The following GPATCH2L variants were observed in gnomAD, a reference collection of about 807,000 sequenced individuals.
GPATCH2L encodes G-patch domain containing 2 like, also known as G patch domain-containing protein 2-like.
A neutral mutation model predicts 57.4 loss-of-function variants in GPATCH2L; 31 were observed. That is an observed-to-expected ratio of 0.54 (90% CI 0.41 to 0.73). The LOEUF (loss-of-function observed/expected upper bound fraction) is 0.73. GPATCH2L is among the 30% of genes least tolerant of loss of function. The pLI, the probability that GPATCH2L is intolerant of heterozygous loss-of-function variation, is 0.00. For missense variants in GPATCH2L, 481 were observed against 599.9 expected (o/e 0.80, Z 2.07); for synonymous variants, 199 against 210.7 (o/e 0.94, Z 0.48).
At chr14:76,167,871 T>G (rs1449399820) in intron 3 of GPATCH2L, among the ~76,000 whole-genome samples, 1 of 152,234 alleles carries the variant, frequency 6.6e-6, no homozygotes, top group East Asian at 1.9e-4. Flanking sequence ...GCTCTTTTTC[T>G]TTGCTTTTCT....
At chr14:76,184,022 T>TGGGGGG (rs113637385) in intron 8 of GPATCH2L, among the ~76,000 whole-genome samples, 10 of 44,024 alleles carry the variant, frequency 2.3e-4, no homozygotes, top group Non-Finnish European at 4.2e-4. Context: ...ATCATTAGCA[T>TGGGGGG]GGTGTGTGTG....
chr14:76,226,304 C>T (rs1595014398), intron 1 of GPATCH2L, among the ~76,000 whole-genome samples: 2 of 152,168 alleles, frequency 1.3e-5, no homozygotes, highest in East Asian at 1.9e-4. Flanking sequence ...TGCAGCAACA[C>T]GTATGAATCT....
At position 76,212,522 on chromosome 14, in the gene GPATCH2L, G is replaced by A. The variant is rs1290838932; in HGVS notation, c.*10671G>A. The A allele has an allele frequency of 6.6e-6, 1 of 152,124 alleles. No individual in the cohort carries two copies. Among genetic ancestry groups the A allele is most frequent in the Non-Finnish European group, 1.5e-5 (1 of 68,014 alleles). The allele number at this position is 152,124 out of a possible 1,614,324, so 9.4% of individuals were successfully genotyped here. ...CATTTATGTATTGGAAACCATAGGAGACACAGGAAGAAACAAATACAATGT... is the reference window on the plus strand; with the variant it reads ...CATTTATGTATTGGAAACCATAGGAAACACAGGAAGAAACAAATACAATGT... On this transcript the variant is annotated 3_prime_UTR_variant, in exon 10 of 10. Coordinates refer to ENST00000261530, the MANE Select transcript of GPATCH2L (RefSeq NM_017926.4).
intron 8 of GPATCH2L, among the ~76,000 whole-genome samples, chr14:76,184,291 C>G (rs773522525): frequency 1.3e-5 from 2 of 152,058 alleles, no homozygotes; most frequent in Non-Finnish European, 2.9e-5. Flanking sequence ...CCTTTTTTCA[C>G]ATGCCTATAA....
intron 7 of GPATCH2L, 66 bp downstream of exon 7, chr14:76,178,108 C>G: frequency 7.4e-7 from 1 of 1,357,448 alleles, no homozygotes; most frequent in South Asian, 1.2e-5. Flanking sequence ...GTATCCAACA[C>G]TTACTGGTAA....
chr14:76,224,803 G>A (rs1226884407), intron 1 of GPATCH2L, among the ~76,000 whole-genome samples: 1 of 152,026 alleles, frequency 6.6e-6, no homozygotes, highest in Non-Finnish European at 1.5e-5. Context: ...CAAGGCTACT[G>A]GATTCACGTT....
At chr14:76,158,487 T>C (rs2038416659) in intron 2 of GPATCH2L, among the ~76,000 whole-genome samples, 2 of 152,354 alleles carry the variant, frequency 1.3e-5, no homozygotes, top group African/African-American at 4.8e-5. Context: ...TCCAGGTGTT[T>C]GTGACAGTGA....
rs1467773939 is a variant in GPATCH2L at position 76,211,956 on chromosome 14, T to C, written c.*10105T>C. 6.6e-6 allele frequency: 1 copy of C among 152,164 alleles called. No homozygotes were observed. The highest frequency in any genetic ancestry group is 2.4e-5 in the African/African-American group (1 of 41,438). 9.4% of individuals were successfully genotyped at this position (152,164 alleles called of 1,614,324 possible). A position where few individuals can be genotyped will look rare whatever the true frequency, so the allele number is the denominator to read the frequency against. ...GGCGATGCAGTCTAGCTTTTGTACA[T>C]AGAAATAAGAAAGTGACTTATGTTC... On this transcript the variant is annotated 3_prime_UTR_variant, in exon 10 of 10. Coordinates refer to ENST00000261530, the MANE Select transcript of GPATCH2L (RefSeq NM_017926.4).
intron 5 of GPATCH2L, chr14:76,175,649 G>A (rs1216707986): frequency 6.6e-6 from 1 of 152,158 alleles, no homozygotes; most frequent in Non-Finnish European, 1.5e-5. Flanking sequence ...AGAACATGAA[G>A]AATATAGTAT....
At chr14:76,160,040 G>A (rs1900119) in intron 2 of GPATCH2L, among the ~76,000 whole-genome samples, 116,764 of 152,086 alleles carry the variant, frequency 0.77, 45,827 homozygotes, top group South Asian at 0.88. Flanking sequence ...AGGCTGAGGC[G>A]GGAGAATGGT....
chr14:76,180,760 G>T lies in GPATCH2L; in HGVS notation c.1108-4G>T, dbSNP rs1343293130. On this transcript the variant is annotated splice_region_variant and splice_polypyrimidine_tract_variant and intron_variant, in intron 7 of 9. Coordinates refer to ENST00000261530, the MANE Select transcript of GPATCH2L (RefSeq NM_017926.4). ...TACTAAAATAGTCTTATTCATTCCT[G>T]CAGTTCAATCCCCTGTCTCCCCTTT... is the stretch of plus-strand genomic sequence containing the variant. The T allele has an allele frequency of 6.3e-7, 1 of 1,596,488 alleles. No individual in the cohort carries two copies. Among genetic ancestry groups the T allele is most frequent in the Non-Finnish European group, 8.6e-7 (1 of 1,163,978 alleles).
chr14:76,215,795 T>G (rs1225249557), downstream of GPATCH2L, among the ~76,000 whole-genome samples: 8 of 147,714 alleles, frequency 5.4e-5, no homozygotes, highest in Non-Finnish European at 1.1e-4. Context: ...AGGGATGGCA[T>G]CGGGAGATAT....
intron 5 of GPATCH2L, 50 bp downstream of exon 5, chr14:76,173,675 A>AC: frequency 1.8e-6 from 2 of 1,120,708 alleles, no homozygotes; most frequent in South Asian, 1.2e-5. Flanking sequence ...AATATTCCCT[A>AC]TGGGAGTTGT....
At chr14:76,185,320 CG>C (rs2039725478) in intron 8 of GPATCH2L, among the ~76,000 whole-genome samples, 2 of 152,136 alleles carry the variant, frequency 1.3e-5, no homozygotes, top group Non-Finnish European at 2.9e-5. Flanking sequence ...GTGTGATTGG[CG>C]TTCTGGTAGA....
chr14:76,215,660 G>A (rs9919948), downstream of GPATCH2L, among the ~76,000 whole-genome samples: 17,337 of 149,632 alleles, frequency 0.12, 1,023 homozygotes, highest in Admixed American at 0.15. Context: ...GTAAACTATC[G>A]CAAGAACAAA....
intron 8 of GPATCH2L, among the ~76,000 whole-genome samples, chr14:76,186,267 G>T (rs1033933008): frequency 1.3e-5 from 2 of 152,036 alleles, no homozygotes; most frequent in African/African-American, 4.8e-5. Context: ...AAAAGAGAGA[G>T]AGACCTTCCT....
intron 3 of GPATCH2L, among the ~76,000 whole-genome samples, chr14:76,167,443 C>T (rs563518471): frequency 6.6e-6 from 1 of 152,178 alleles, no homozygotes; most frequent in African/African-American, 2.4e-5. Flanking sequence ...TCTTCTCACT[C>T]CGAAGTCCAA....
intron 2 of GPATCH2L, among the ~76,000 whole-genome samples, chr14:76,162,979 T>A (rs1270369908): frequency 2.0e-5 from 3 of 152,250 alleles, no homozygotes; most frequent in South Asian, 4.1e-4. Context: ...ACTTCTTCCC[T>A]AGCTCAATTA....
At chr14:76,231,614 T>C (rs1290145003) in intron 2 of GPATCH2L, among the ~76,000 whole-genome samples, 1 of 48,764 alleles carries the variant, frequency 2.1e-5, no homozygotes, top group African/African-American at 7.7e-5. Flanking sequence ...AATTAGAAAC[T>C]AAACACATAC....
Sources: gnomAD v4.1 joint callset for allele counts (sites outside exome capture counted in the v4.1 genomes callset) on GRCh38, gnomAD v4.1.1 for gene constraint, MANE v1.5 for transcripts, NCBI Gene and HGNC (gene_info 2026-07-23, HGNC 2026-07-21) for gene names.